Variants in PYROXD2 observed in about 807,000 individuals in gnomAD.
PYROXD2 encodes the protein pyridine nucleotide-disulphide oxidoreductase domain 2.
In PYROXD2, 69 loss-of-function variants were observed where a neutral mutation model predicts 71.1. That is an observed-to-expected ratio of 0.97 (90% CI 0.80 to 1.19). The LOEUF (loss-of-function observed/expected upper bound fraction) is 1.19. PYROXD2 is among the 50% of genes most tolerant of loss of function. PYROXD2 has a pLI of 0.00. For missense variants in PYROXD2, 745 were observed against 748.9 expected (o/e 0.99, Z 0.06); for synonymous variants, 287 against 302.7 (o/e 0.95, Z 0.54).
intron 8 of PYROXD2, 108 bp downstream of exon 8, chr10:98,395,088 T>G (rs1590948815): frequency 5.4e-6 from 5 of 929,122 alleles, no homozygotes; most frequent in Non-Finnish European, 8.8e-6. Context: ...GCTCACTGGG[T>G]GAGCTCTGTT....
intron 10 of PYROXD2, among the ~76,000 whole-genome samples, chr10:98,391,576 GC>G (rs769626101): frequency 1.3e-5 from 2 of 151,976 alleles, no homozygotes; most frequent in Non-Finnish European, 2.9e-5. Flanking sequence ...TGCAAAAACT[GC>G]CCCCAAAGCT....
intron 4 of PYROXD2, among the ~76,000 whole-genome samples, chr10:98,402,863 T>G (rs1843463182): frequency 6.6e-6 from 1 of 152,256 alleles, no homozygotes; most frequent in South Asian, 2.1e-4. Flanking sequence ...TCTGTTTTGT[T>G]CACCGCTGTA....
intron 8 of PYROXD2, 27 bp from the exon 9 acceptor site, chr10:98,393,110 C>T: frequency 1.3e-6 from 2 of 1,495,768 alleles, no homozygotes; most frequent in South Asian, 2.7e-5. Flanking sequence ...CGACTCAGAT[C>T]CTGGAGGTGG....
intron 12 of PYROXD2, 57 bp from the exon 13 acceptor site, chr10:98,388,565 CATCCGAGATGACT>C: frequency 6.9e-7 from 1 of 1,453,612 alleles, no homozygotes; most frequent in South Asian, 1.4e-5. Flanking sequence ...GAGGGTAGGG[CATCCGAGATGACT>C]TGGGACACAG....
chr10:98,400,067 G>T, intron 5 of PYROXD2, 35 bp downstream of exon 5: 1 of 1,604,272 alleles, frequency 6.2e-7, no homozygotes. Flanking sequence ...GGCTGCTGAG[G>T]GAGCAGGAGC....
chr10:98,408,020 G>A, intron 2 of PYROXD2, 23 bp from the exon 3 acceptor site: 1 of 1,580,318 alleles, frequency 6.3e-7, no homozygotes, highest in South Asian at 1.2e-5. Context: ...GCAGCACACA[G>A]GGCCCTCCCT....
At chr10:98,410,294 G>T in intron 2 of PYROXD2, among the ~76,000 whole-genome samples, 1 of 152,292 alleles carries the variant, frequency 6.6e-6, no homozygotes, top group South Asian at 2.1e-4. Flanking sequence ...TTGTTTTGTG[G>T]CCTTGAATGC....
intron 14 of PYROXD2, among the ~76,000 whole-genome samples, chr10:98,385,626 G>C (rs1037130430): frequency 6.6e-6 from 1 of 152,322 alleles, no homozygotes; most frequent in South Asian, 2.1e-4. Context: ...GAAGCCTGAC[G>C]TCTGTTGGGC....
intron 15 of PYROXD2, 116 bp from the exon 16 acceptor site, chr10:98,383,984 C>G: frequency 1.1e-6 from 1 of 880,950 alleles, no homozygotes; most frequent in South Asian, 1.4e-5. Flanking sequence ...TTAGAGGGGT[C>G]CGGGGGCATG....
At chr10:98,394,195 T>C (rs1843059274) in intron 8 of PYROXD2, among the ~76,000 whole-genome samples, 2 of 152,116 alleles carry the variant, frequency 1.3e-5, no homozygotes, top group African/African-American at 4.8e-5. Flanking sequence ...CGCTCATCCA[T>C]ATTTGTTGGA....
In PYROXD2 at chr10:98,400,131, T is replaced by C. The variant is rs752420536; in HGVS notation, c.442A>G (p.Ile148Val). ...GCATCCTTCTGGGAGAACTGGGCGA[T>C]CTGCTTCTGGTTTTCTGCCATGTCT... The part of the protein sequence containing the change: ...GTDMAENQKQ[I>V]AQFSQKDAQV... The change falls in exon 5 of 16, where the codon ATC (isoleucine) becomes GTC (valine). Residue 148 changes from isoleucine to valine, a missense_variant. Coordinates refer to ENST00000370575, the MANE Select transcript of PYROXD2 (RefSeq NM_032709.3). The C allele has an allele frequency of 6.2e-7, 1 of 1,613,786 alleles. No homozygotes were observed. Among genetic ancestry groups the C allele is most frequent in the Non-Finnish European group, 8.5e-7 (1 of 1,179,842 alleles).
chr10:98,384,054 C>A (rs1460589889), intron 15 of PYROXD2, among the ~76,000 whole-genome samples, 186 bp from the exon 16 acceptor site: 5 of 152,078 alleles, frequency 3.3e-5, no homozygotes, highest in African/African-American at 1.2e-4. Flanking sequence ...AGGCTTCCTG[C>A]ACCAAAGGTC....
Position 98,393,031 on chromosome 10 carries a change from A to T in PYROXD2, c.838T>A (p.Trp280Arg). The T allele has an allele frequency of 6.2e-7, 1 of 1,606,456 alleles. No individual in the cohort carries two copies. Among genetic ancestry groups the T allele is most frequent in the Non-Finnish European group, 8.5e-7 (1 of 1,175,446 alleles). Residue 280 changes from tryptophan to arginine, a missense_variant, in exon 9 of 16, where the codon TGG becomes AGG. Trp to Arg is a moderately radical substitution (Grantham distance 101, BLOSUM62 -3). Coordinates refer to ENST00000370575, the MANE Select transcript of PYROXD2 (RefSeq NM_032709.3). ...CCCATGCCCCCCTGGACGTAGCCCC[A>T]GGCCCCCTGCATTCCCTCCAGGCCC... Reference protein sequence around the residue: ...MGGLEGMQGAWGYVQGGMGAL... With the variant: ...MGGLEGMQGARGYVQGGMGAL...
At chr10:98,407,487 A>C (rs1269832000) in intron 4 of PYROXD2, 95 bp downstream of exon 4, 8 of 1,491,514 alleles carry the variant, frequency 5.4e-6, no homozygotes, top group Non-Finnish European at 7.3e-6. Context: ...AGGGGCGGGC[A>C]TCACCTCGGG....
chr10:98,390,920 A>G, intron 11 of PYROXD2, 90 bp downstream of exon 11: 1 of 1,340,158 alleles, frequency 7.5e-7, no homozygotes, highest in Non-Finnish European at 1.1e-6. Context: ...GGGAATGGAG[A>G]TGATGACTGA....
rs1590953981 is a variant in PYROXD2 at position 98,397,289 on chromosome 10, G to A, written c.625+56C>T. 10 of 1,502,448 alleles carry A rather than the reference G, an allele frequency of 6.7e-6. No individual in the cohort carries two copies. The East Asian group carries it at 2.2e-4, about 33-fold the overall frequency. 93.1% of individuals were successfully genotyped at this position (1,502,448 alleles called of 1,614,324 possible). ...GCTTGTGTCTAGGCATCGAGACAAT[G>A]GGCTCACCTCCTTGAAGGTCACTCA... On this transcript the variant is annotated intron_variant, in intron 6 of 15. Coordinates refer to ENST00000370575, the MANE Select transcript of PYROXD2 (RefSeq NM_032709.3).
chr10:98,394,811 A>G lies in PYROXD2; in HGVS notation c.785+385T>C, dbSNP rs146845501. Among the ~76,000 whole-genome samples the G allele has an allele frequency of 5.9e-3, 896 of 152,150 alleles. 6 individuals carry two copies. Among genetic ancestry groups the G allele is most frequent in the African/African-American group, 0.02 (828 of 41,504 alleles). ...GCGTTTGCGGGAGTGGAGAGGTAGA[A>G]GAGGGAAGGGAAGAGGAGAGAAAAG... On this transcript the variant is annotated intron_variant, in intron 8 of 15. Transcript: ENST00000370575.
intron 8 of PYROXD2, 100 bp from the exon 9 acceptor site, chr10:98,393,183 C>A (rs759208287): frequency 3.1e-5 from 29 of 947,232 alleles, no homozygotes; most frequent in Non-Finnish European, 4.4e-5. Flanking sequence ...TCAGCCCTTC[C>A]CTGCCACCAT....
intron 6 of PYROXD2, among the ~76,000 whole-genome samples, 158 bp downstream of exon 6, chr10:98,397,187 C>A (rs1843216541): frequency 6.6e-6 from 1 of 152,242 alleles, no homozygotes; most frequent in Non-Finnish European, 1.5e-5. Flanking sequence ...ATGCTCTCAA[C>A]AAAGTGCTCC....
Sources: allele counts gnomAD v4.1 joint callset (sites outside exome capture counted in the v4.1 genomes callset), GRCh38; gene constraint gnomAD v4.1.1; transcripts MANE v1.5; gene names NCBI Gene and HGNC (gene_info 2026-07-23, HGNC 2026-07-21).